Variants in FOXP2 observed in about 807,000 individuals in gnomAD.
FOXP2 encodes forkhead box P2, also known as forkhead box protein P2.
FOXP2 carries 12 observed loss-of-function variants against 115.8 expected under a neutral mutation model. The ratio of observed to expected loss-of-function variants is 0.10; its 90% confidence interval spans 0.07 to 0.17. The LOEUF (loss-of-function observed/expected upper bound fraction) is 0.17. Ranked by LOEUF, FOXP2 falls within the 10% of genes least tolerant of loss-of-function variation. The probability of loss-of-function intolerance (pLI) is 1.00; values close to 1 mark genes in which losing one functional copy is unlikely to be tolerated. For synonymous variants in FOXP2, 328 were observed against 297.7 expected (o/e 1.10, Z -1.05); for missense variants, 629 against 843.5 (o/e 0.75, Z 3.15).
intron 3 of FOXP2, among the ~76,000 whole-genome samples, chr7:114,584,292 A>G (rs1326581894): frequency 6.6e-6 from 1 of 152,126 alleles, no homozygotes; most frequent in Non-Finnish European, 1.5e-5. Context: ...ATTTGAATGA[A>G]CTTATCTGCC....
intron 3 of FOXP2, among the ~76,000 whole-genome samples, chr7:114,612,497 G>A (rs1803690426): frequency 8.5e-6 from 1 of 117,486 alleles, no homozygotes; most frequent in Non-Finnish European, 1.8e-5. Context: ...CTCAGTAAGA[G>A]TTCAGATAAA....
intron 1 of FOXP2, among the ~76,000 whole-genome samples, chr7:114,165,723 A>C (rs1454813236): frequency 6.6e-6 from 1 of 152,184 alleles, no homozygotes; most frequent in South Asian, 2.1e-4. Flanking sequence ...ACACAATCCC[A>C]GTCAAAATCC....
chr7:114,218,029 T>C (rs993903960), intron 1 of FOXP2, among the ~76,000 whole-genome samples: 1 of 152,186 alleles, frequency 6.6e-6, no homozygotes, highest in African/African-American at 2.4e-5. Flanking sequence ...GATCATACTT[T>C]GTACACATGT....
chr7:114,493,232 C>T (rs1408780457), intron 2 of FOXP2, among the ~76,000 whole-genome samples: 1 of 152,074 alleles, frequency 6.6e-6, no homozygotes, highest in East Asian at 1.9e-4. Flanking sequence ...TGATTACAAC[C>T]GCTGTCTTTT....
chr7:114,649,107 C>G (rs1447318745), intron 8 of FOXP2, among the ~76,000 whole-genome samples: 1 of 152,054 alleles, frequency 6.6e-6, no homozygotes, highest in Non-Finnish European at 1.5e-5. Context: ...TTAGTGATTG[C>G]ATGGGTAATT....
At chr7:114,185,699 A>G (rs923110854) in intron 1 of FOXP2, among the ~76,000 whole-genome samples, 1 of 152,182 alleles carries the variant, frequency 6.6e-6, no homozygotes, top group Non-Finnish European at 1.5e-5. Flanking sequence ...ACTTTGATTC[A>G]TGCTCACTAG....
intron 2 of FOXP2, among the ~76,000 whole-genome samples, chr7:114,288,630 TTTG>T (rs571163811): frequency 1.3e-3 from 191 of 151,910 alleles, no homozygotes; most frequent in African/African-American, 4.3e-3. Context: ...TTTTGAAAGA[TTTG>T]TTTTCTTTTT....
chr7:114,199,375 A>G (rs1793998484), intron 1 of FOXP2, among the ~76,000 whole-genome samples: 1 of 152,150 alleles, frequency 6.6e-6, no homozygotes, highest in South Asian at 2.1e-4. Flanking sequence ...TGTTATGAAA[A>G]TAATATAAAA....
intron 2 of FOXP2, among the ~76,000 whole-genome samples, chr7:114,399,114 CTT>C (rs66789053): frequency 8.5e-5 from 12 of 141,384 alleles, no homozygotes; most frequent in African/African-American, 7.8e-5. Context: ...TTTTCTTTTT[CTT>C]TTTTTTTTTT....
At chr7:114,468,185 C>T (rs184434664) in intron 2 of FOXP2, among the ~76,000 whole-genome samples, 18 of 152,192 alleles carry the variant, frequency 1.2e-4, no homozygotes, top group Admixed American at 1.2e-3. Flanking sequence ...TTTATTCTTC[C>T]CCTAAAGTAG....
intron 1 of FOXP2, among the ~76,000 whole-genome samples, chr7:114,167,666 G>A (rs2129152071): frequency 6.6e-6 from 1 of 152,244 alleles, no homozygotes; most frequent in East Asian, 1.9e-4. Flanking sequence ...GCTGGGCATG[G>A]TGGCTCAGGC....
At chr7:114,340,304 T>A (rs987543909) in intron 2 of FOXP2, among the ~76,000 whole-genome samples, 1 of 151,098 alleles carries the variant, frequency 6.6e-6, no homozygotes, top group Non-Finnish European at 1.5e-5. Flanking sequence ...CATCTATGTG[T>A]TGCCATATCA....
At chr7:114,559,033 A>ATT (rs138150674) in intron 3 of FOXP2, among the ~76,000 whole-genome samples, 22,304 of 151,540 alleles carry the variant, frequency 0.15, 2,035 homozygotes, top group African/African-American at 0.26. Flanking sequence ...CCAGCTACCT[A>ATT]TTTTTTTTCA....
chr7:114,425,333 T>C (rs1028242769), intron 1 of FOXP2, among the ~76,000 whole-genome samples: 30 of 151,594 alleles, frequency 2.0e-4, no homozygotes, highest in Non-Finnish European at 4.1e-4. Context: ...ACAGCCAGGT[T>C]GTTTCTGCAA....
intron 1 of FOXP2, among the ~76,000 whole-genome samples, chr7:114,189,268 A>G (rs1174133366): frequency 6.6e-6 from 1 of 152,214 alleles, no homozygotes; most frequent in African/African-American, 2.4e-5. Context: ...TTAAAAATTT[A>G]TGATGTGTAT....
intron 1 of FOXP2, among the ~76,000 whole-genome samples, chr7:114,272,195 T>G (rs1277326811): frequency 6.6e-6 from 1 of 150,698 alleles, no homozygotes; most frequent in Non-Finnish European, 1.5e-5. Context: ...TATTAATTGA[T>G]TTTTGAATGT....
At chr7:114,208,280 G>T (rs899090649) in intron 1 of FOXP2, among the ~76,000 whole-genome samples, 1 of 152,176 alleles carries the variant, frequency 6.6e-6, no homozygotes, top group African/African-American at 2.4e-5. Context: ...AGATTTGACT[G>T]CCCTACTGGA....
At chr7:114,349,115 G>T (rs1458438057) in intron 2 of FOXP2, among the ~76,000 whole-genome samples, 1 of 151,940 alleles carries the variant, frequency 6.6e-6, no homozygotes, top group Admixed American at 6.6e-5. Context: ...ATCAATGCTT[G>T]TGACTTTACT....
intron 3 of FOXP2, among the ~76,000 whole-genome samples, chr7:114,585,667 C>T (rs1802097227): frequency 6.6e-6 from 1 of 151,266 alleles, no homozygotes; most frequent in Admixed American, 6.6e-5. Flanking sequence ...GAGTTAAAGA[C>T]CAGCCTGGCC....
Sources: gnomAD v4.1 joint callset for allele counts (sites outside exome capture counted in the v4.1 genomes callset) on GRCh38, gnomAD v4.1.1 for gene constraint, MANE v1.5 for transcripts, NCBI Gene and HGNC (gene_info 2026-07-23, HGNC 2026-07-21) for gene names.